Variants in AGTPBP1 observed in about 807,000 individuals in gnomAD.
AGTPBP1 encodes the protein cytosolic carboxypeptidase 1.
In AGTPBP1, 70 loss-of-function variants were observed where a neutral mutation model predicts 143.9. The ratio of observed to expected loss-of-function variants is 0.49; its 90% CI spans 0.40 to 0.59. AGTPBP1 has a LOEUF of 0.59. AGTPBP1 is among the 20% of genes least tolerant of loss of function. The pLI is 0.00. For missense variants in AGTPBP1, 1,229 were observed against 1,464.5 expected (o/e 0.84, Z 2.62); for synonymous variants, 463 against 500.2 (o/e 0.93, Z 0.99).
intron 6 of AGTPBP1, among the ~76,000 whole-genome samples, chr9:85,676,258 A>G: frequency 6.6e-6 from 1 of 152,192 alleles, no homozygotes; most frequent in East Asian, 1.9e-4. Flanking sequence ...CAAAGTGAAG[A>G]GATAACCTAC....
intron 12 of AGTPBP1, among the ~76,000 whole-genome samples, chr9:85,644,549 G>A (rs1043774303): frequency 2.6e-5 from 4 of 151,794 alleles, no homozygotes; most frequent in Admixed American, 2.6e-4. Context: ...AAACAGTAGT[G>A]AAGGACTACT....
chr9:85,743,286 G>A (rs938377813), upstream of AGTPBP1, among the ~76,000 whole-genome samples: 37 of 152,326 alleles, frequency 2.4e-4, no homozygotes, highest in African/African-American at 8.7e-4. Context: ...TTATGTGGAT[G>A]TGTGTGTTTG....
At chr9:85,686,288 C>T (rs1327540249) in intron 3 of AGTPBP1, among the ~76,000 whole-genome samples, 4 of 151,744 alleles carry the variant, frequency 2.6e-5, no homozygotes, top group African/African-American at 9.7e-5. Context: ...AAACAGCAAC[C>T]GTAGGAAAGC....
chr9:85,746,646 G>A (rs189597421), upstream of AGTPBP1, among the ~76,000 whole-genome samples: 1 of 151,820 alleles, frequency 6.6e-6, no homozygotes, highest in Non-Finnish European at 1.5e-5. Flanking sequence ...AAGAAAGAGT[G>A]GGGGGAGAGA....
intron 1 of AGTPBP1, among the ~76,000 whole-genome samples, chr9:85,722,558 G>GT (rs1344792624): frequency 5.0e-4 from 76 of 152,154 alleles, no homozygotes; most frequent in Non-Finnish European, 1.8e-4. Context: ...GTTTATTATA[G>GT]TTAGCCATTC....
At chr9:85,602,676 C>G (rs984177225) in intron 17 of AGTPBP1, among the ~76,000 whole-genome samples, 1 of 152,092 alleles carries the variant, frequency 6.6e-6, no homozygotes, top group Non-Finnish European at 1.5e-5. Context: ...ATAGGAACAC[C>G]AAATTGAACA....
intron 25 of AGTPBP1, among the ~76,000 whole-genome samples, chr9:85,568,706 G>A (rs188277219): frequency 1.3e-5 from 2 of 152,296 alleles, no homozygotes; most frequent in East Asian, 3.9e-4. Flanking sequence ...TACTGTAATG[G>A]TAAAGGTGAT....
intron 18 of AGTPBP1, among the ~76,000 whole-genome samples, chr9:85,593,709 C>T (rs1829117243): frequency 6.6e-6 from 1 of 152,010 alleles, no homozygotes; most frequent in Admixed American, 6.6e-5. Context: ...CAAAACTCAC[C>T]ATGTGTTGAT....
rs530032312 is a variant in AGTPBP1, at chr9:85,660,981, CACA to C, written c.663-11_663-9del. 2.1e-4 allele frequency: 329 copies of C among 1,591,426 alleles called. No individual in the cohort carries two copies. The African/African-American group carries it at 3.4e-3, about 16-fold the overall frequency. The stretch of plus-strand genomic sequence containing the variant: ...AGAGTGTCTAAAGCAACCCTGTCAA[CACA>C]ACAAGAAAACACAAACAACAACAAA... On this transcript the variant is annotated splice_polypyrimidine_tract_variant and intron_variant, in intron 8 of 25. Coordinates refer to ENST00000357081, the MANE Select transcript of AGTPBP1 (RefSeq NM_001330701.2).
At chr9:85,691,045 G>C (rs1835838632) in intron 3 of AGTPBP1, among the ~76,000 whole-genome samples, 1 of 152,076 alleles carries the variant, frequency 6.6e-6, no homozygotes. Flanking sequence ...TTTTTTGTTT[G>C]GTTGGTTTTT....
intron 25 of AGTPBP1, among the ~76,000 whole-genome samples, chr9:85,557,827 T>G (rs1236307248): frequency 6.6e-6 from 1 of 152,218 alleles, no homozygotes; most frequent in Non-Finnish European, 1.5e-5. Context: ...TAACATTTCA[T>G]TCTAGTGTTT....
intron 25 of AGTPBP1, among the ~76,000 whole-genome samples, chr9:85,565,692 C>T (rs1827040911): frequency 6.6e-6 from 1 of 152,134 alleles, no homozygotes; most frequent in Admixed American, 6.5e-5. Flanking sequence ...TGCCAAATGC[C>T]TGTGCCCTAC....
intron 1 of AGTPBP1, among the ~76,000 whole-genome samples, chr9:85,735,168 G>C (rs918599425): frequency 1.3e-5 from 2 of 152,086 alleles, no homozygotes; most frequent in Non-Finnish European, 2.9e-5. Flanking sequence ...ACAAAATCTG[G>C]TATATACATA....
At position 85,592,663 on chromosome 9, in the gene AGTPBP1, T is replaced by G. The variant is rs1829046349; in HGVS notation, c.2465A>C (p.Lys822Thr). 6.2e-7 allele frequency: 1 copy of G among 1,611,274 alleles called. No homozygotes were observed. Among genetic ancestry groups the G allele is most frequent in the Non-Finnish European group, 8.5e-7 (1 of 1,179,024 alleles). The change falls in exon 19 of 26, where the codon AAG becomes ACG. Residue 822 changes from lysine to threonine, a missense_variant. Around this residue, in one of 2 missense-constraint regions of AGTPBP1, gnomAD observed 486 missense variants for 652.3 expected, o/e 0.75. Transcript: ENST00000357081. ...TGTAATTGTATAGTAGGATTTTCCC[T>G]TTTGCCCACCTGCAGCAACTGAACT... ...SRSSVAAGGQ[K>T]GKSYYTITFT...
chr9:85,779,184 TATAGATATAGATATAG>T, the AGTPBP1 span, among the ~76,000 whole-genome samples: 6 of 28,122 alleles, frequency 2.1e-4, no homozygotes, highest in African/African-American at 6.3e-4. Context: ...GATATATAGA[TATAGATATAGATATAG>T]ATATAGATAT....
chr9:85,712,621 T>C, intron 1 of AGTPBP1, 55 bp from the exon 2 acceptor site: 2 of 851,536 alleles, frequency 2.3e-6, no homozygotes, highest in East Asian at 2.9e-5. Flanking sequence ...TTCTATATAT[T>C]AGATATCACA....
intron 1 of AGTPBP1, among the ~76,000 whole-genome samples, chr9:85,719,727 T>G (rs777717792): frequency 6.6e-6 from 1 of 152,212 alleles, no homozygotes; most frequent in Non-Finnish European, 1.5e-5. Flanking sequence ...GAGGGCATCC[T>G]TGTCTTGTGC....
intron 21 of AGTPBP1, among the ~76,000 whole-genome samples, chr9:85,587,431 C>A (rs917743377): frequency 1.7e-4 from 26 of 151,946 alleles, no homozygotes; most frequent in African/African-American, 6.3e-4. Flanking sequence ...ACATCAAATA[C>A]CTTTTTGTTT....
chr9:85,559,989 A>T (rs759757337), intron 25 of AGTPBP1, among the ~76,000 whole-genome samples: 1 of 152,088 alleles, frequency 6.6e-6, no homozygotes, highest in Non-Finnish European at 1.5e-5. Flanking sequence ...CTCATCCTTC[A>T]ATTCCTTGGC....
Sources: gnomAD v4.1 joint callset for allele counts (sites outside exome capture counted in the v4.1 genomes callset) on GRCh38, gnomAD v4.1.1 for gene constraint, gnomAD v4.1.1 regional missense constraint, MANE v1.5 for transcripts, NCBI Gene and HGNC (gene_info 2026-07-23, HGNC 2026-07-21) for gene names.